Variants in UNC13D observed in about 807,000 individuals in gnomAD.
UNC13D encodes unc-13 homolog D.
A neutral mutation model predicts 151.7 loss-of-function variants in UNC13D; 115 were observed. That is an observed-to-expected ratio of 0.76 (90% CI 0.65 to 0.88). The LOEUF (loss-of-function observed/expected upper bound fraction) is 0.88. Ranked by LOEUF, UNC13D falls within the 40% of genes least tolerant of loss-of-function variation. UNC13D has a pLI of 0.00. For missense variants in UNC13D, 1,369 were observed against 1,438.7 expected (o/e 0.95, Z 0.78); for synonymous variants, 588 against 612.2 (o/e 0.96, Z 0.58).
chr17:75,830,204 C>T (rs576805665), intron 29 of UNC13D, 53 bp from the exon 30 acceptor site: 2 of 1,567,678 alleles, frequency 1.3e-6, no homozygotes, highest in East Asian at 4.8e-5. Context: ...AGGCACCCCA[C>T]CCCAGCAGCT....
intron 30 of UNC13D, chr17:75,829,814 G>C (rs1447218725): frequency 2.3e-5 from 14 of 618,676 alleles, no homozygotes; most frequent in Non-Finnish European, 3.8e-5. Flanking sequence ...CTGACCTCAA[G>C]TGATCCGCCT....
In UNC13D at chr17:75,842,628, G is replaced by A; in HGVS notation, c.389-15C>T. ...GTCGCTGAACCCTGTGGAGGAGTGG[G>A]GAAGACGAGGCAGCCAGGGAGTCGG... On this transcript the variant is annotated splice_polypyrimidine_tract_variant and intron_variant, in intron 5 of 31. Transcript: ENST00000207549. The A allele has an allele frequency of 6.2e-7, 1 of 1,610,726 alleles. No individual in the cohort carries two copies. The highest frequency in any genetic ancestry group is 8.5e-7 in the Non-Finnish European group (1 of 1,179,826).
rs748775460 is a variant in UNC13D, at chr17:75,834,287, G to A, written c.2298+38C>T. 3.8e-5 allele frequency: 61 copies of A among 1,588,006 alleles called. No individual in the cohort carries two copies. In the South Asian group the frequency reaches 5.6e-4, roughly 15 times the overall value. On this transcript the variant is annotated intron_variant, in intron 23 of 31. Coordinates refer to ENST00000207549, the MANE Select transcript of UNC13D (RefSeq NM_199242.3). ...TGCTGGAGCCAGGTAGGCTGAAGAC[G>A]GGATGGGATGGGGTGACTGTGCGGT...
rs138761498 is a variant in UNC13D, at chr17:75,832,845, G to A, written c.2447+121C>T. 2.2e-5 allele frequency: 21 copies of A among 947,492 alleles called. No individual in the cohort carries two copies. Among genetic ancestry groups the A allele is most frequent in the Middle Eastern group, 4.3e-4 (2 of 4,652 alleles). The allele number at this position is 947,492 out of a possible 1,614,324, so 58.7% of individuals were successfully genotyped here. A position where few individuals can be genotyped will look rare whatever the true frequency, so the allele number is the denominator to read the frequency against. On this transcript the variant is annotated intron_variant, in intron 25 of 31. Transcript: ENST00000207549. This position sits in a 1 kb window ranked among gnomAD's most constrained non-coding sequence, Gnocchi z 4.3. ...CCGTGGGAGGAGAGGGGGAGGTGGCGAGCGCGCCCAGGGCAGGGGCTGCTA... is the reference window on the plus strand; with the variant it reads ...CCGTGGGAGGAGAGGGGGAGGTGGCAAGCGCGCCCAGGGCAGGGGCTGCTA...
At position 75,834,671 on chromosome 17, in the gene UNC13D, G is replaced by GC. The variant is rs2143876026; in HGVS notation, c.2037_2038insG (p.Arg680AlafsTer25). 14 of 1,613,734 alleles carry GC rather than the reference G, an allele frequency of 8.7e-6. No homozygotes were observed. The highest frequency in any genetic ancestry group is 1.1e-5 in the Non-Finnish European group (13 of 1,180,028). On this transcript the variant is annotated frameshift_variant, in exon 22 of 32. Coordinates refer to ENST00000207549, the MANE Select transcript of UNC13D (RefSeq NM_199242.3). LOFTEE classifies it high-confidence loss of function. ...TGGCCTGAAGAGAGCTCGCGGGCCC[G>GC]GGCCTTTATAAGGCTGCAGTACACC...
In UNC13D at chr17:75,839,916, C is replaced by A; in HGVS notation, c.978G>T (p.Ser326=). The change falls in exon 12 of 32, where the codon TCG becomes TCT. Residue 326 remains serine (S), a synonymous_variant. Coordinates refer to ENST00000207549, the MANE Select transcript of UNC13D (RefSeq NM_199242.3). ...GGACGGTGGCAGCCTGGGGACTCAGCGACCCGTCCCAGGAGGTGCTTCCCG... is the reference window on the plus strand; with the variant it reads ...GGACGGTGGCAGCCTGGGGACTCAGAGACCCGTCCCAGGAGGTGCTTCCCG... ...HEAGSTSWDG[S]LSPQAATVLF... 1 of 1,613,742 alleles carries A rather than the reference C, an allele frequency of 6.2e-7. No individual in the cohort carries two copies. The highest frequency in any genetic ancestry group is 8.5e-7 in the Non-Finnish European group (1 of 1,179,990).
Position 75,833,986 on chromosome 17 carries a change from G to A in UNC13D, c.2367+89C>T. On this transcript the variant is annotated intron_variant, in intron 24 of 31. Transcript: ENST00000207549. The surrounding 1 kb of genome is among the most constrained non-coding windows in gnomAD (Gnocchi z 4.0). ...AGAACATGCTTTGCCTGGTCTGGGG[G>A]ACTTATCTTTGACACCAAGGCCTTC... The A allele has an allele frequency of 6.6e-7, 1 of 1,516,044 alleles. No individual in the cohort carries two copies. The highest frequency in any genetic ancestry group is 1.1e-5 in the South Asian group (1 of 88,716). The allele number at this position is 1,516,044 out of a possible 1,614,324, so 93.9% of individuals were successfully genotyped here.
chr17:75,836,951 G>C (rs778237024), intron 12 of UNC13D, 33 bp from the exon 13 acceptor site: 1 of 1,606,886 alleles, frequency 6.2e-7, no homozygotes, highest in Non-Finnish European at 8.5e-7. Flanking sequence ...AGCTGGACAG[G>C]GAGGAGGAAA....
intron 19 of UNC13D, 42 bp from the exon 20 acceptor site, chr17:75,835,571 C>G (rs759979367): frequency 3.7e-6 from 6 of 1,608,028 alleles, no homozygotes. Context: ...GCTGGGGCCA[C>G]CATGGACCCT....
At chr17:75,842,348 C>G (rs573071738) in intron 6 of UNC13D, 85 bp downstream of exon 6, 3 of 1,531,674 alleles carry the variant, frequency 2.0e-6, no homozygotes, top group East Asian at 2.3e-5. Flanking sequence ...TGAGCCAGGA[C>G]GACCTACTCA....
rs544643767 is a variant in UNC13D at position 75,840,066 on chromosome 17, G to T, written c.903C>A (p.His301Gln). ...ACACAAGCTGCTGCAGGAGGTGGAGGTGCACGGTGTAGCTCGGCTGCGAGC... is the reference window on the plus strand; with the variant it reads ...ACACAAGCTGCTGCAGGAGGTGGAGTTGCACGGTGTAGCTCGGCTGCGAGC... ...ASRSQPSYTVHLHLLQQLVSH... is the reference protein window; with the variant it reads ...ASRSQPSYTVQLHLLQQLVSH... The change falls in exon 11 of 32, where the codon CAC (histidine) becomes CAA (glutamine). Residue 301 changes from histidine to glutamine, a missense_variant. His to Gln is a conservative substitution (Grantham distance 24). This residue lies in a region of UNC13D where 550 missense variants were observed against 609.0 expected (regional missense o/e 0.90). Coordinates refer to ENST00000207549, the MANE Select transcript of UNC13D (RefSeq NM_199242.3). This position sits in a 1 kb window ranked among gnomAD's most constrained non-coding sequence, Gnocchi z 4.6. The T allele has an allele frequency of 5.0e-6, 8 of 1,613,584 alleles. No individual in the cohort carries two copies. The African/African-American group carries it at 9.3e-5, about 19-fold the overall frequency.
chr17:75,830,455 C>A lies in UNC13D; in HGVS notation c.2737G>T (p.Ala913Ser), dbSNP rs1360775580. Residue 913 changes from alanine (A) to serine (S), a missense_variant, in exon 29 of 32, where the codon GCT becomes TCT. Transcript: ENST00000207549. ...CGGTAGGAGGCCTTGACTGTCACAG[C>A]CCCCAGCTCCTCAGAGGTGGTTTCT... ...QAETTSEELG[A>S]VTVKASYRAS... is the part of the protein sequence containing the mutation. 2 of 1,588,364 alleles carry A rather than the reference C, an allele frequency of 1.3e-6. No homozygotes were observed. The highest frequency in any genetic ancestry group is 1.7e-6 in the Non-Finnish European group (2 of 1,168,208).
Position 75,833,148 on chromosome 17 carries a change from C to T in UNC13D, c.2368-103G>A. 1 of 1,182,830 alleles carries T rather than the reference C, an allele frequency of 8.5e-7. No homozygotes were observed. The highest frequency in any genetic ancestry group is 1.3e-5 in the South Asian group (1 of 75,026). 73.3% of individuals were successfully genotyped at this position (1,182,830 alleles called of 1,614,324 possible). On this transcript the variant is annotated intron_variant, in intron 24 of 31. Transcript: ENST00000207549. This position sits in a 1 kb window ranked among gnomAD's most constrained non-coding sequence, Gnocchi z 4.0. ...GGAGGAAACAGGGCTGGGAACCGTT[C>T]TGTGAGAGCAGTTTGTAGTGTCTGT...
Position 75,836,044 on chromosome 17 carries a change from C to T in UNC13D, c.1512G>A (p.Gln504=), listed in dbSNP as rs1280001950. The T allele has an allele frequency of 1.2e-6, 2 of 1,614,000 alleles. No individual in the cohort carries two copies. Among genetic ancestry groups the T allele is most frequent in the South Asian group, 1.1e-5 (1 of 91,088 alleles). Residue 504 remains glutamine (Q), a synonymous_variant, in exon 17 of 32, where the codon CAG becomes CAA. Coordinates refer to ENST00000207549, the MANE Select transcript of UNC13D (RefSeq NM_199242.3). ...AGATCTTGTCCCATGTGCGCTGGCACTGGTGCAGGTCGCCAATGACATCCT... is the reference window on the plus strand; with the variant it reads ...AGATCTTGTCCCATGTGCGCTGGCATTGGTGCAGGTCGCCAATGACATCCT... ...LVQDVIGDLH[Q]CQRTWDKIFH...
chr17:75,843,993 T>A (rs1599416298), intron 1 of UNC13D: 5 of 1,415,260 alleles, frequency 3.5e-6, no homozygotes, highest in Non-Finnish European at 4.6e-6. Context: ...GAGGGAGGGG[T>A]TCTGAGAGCC....
chr17:75,841,442 CTTTTT>C (rs145752081), intron 6 of UNC13D, among the ~76,000 whole-genome samples: 1 of 110,402 alleles, frequency 9.1e-6, no homozygotes, highest in Non-Finnish European at 1.8e-5. Flanking sequence ...CGCGCCCAGC[CTTTTT>C]TTTTTTTTTT....
chr17:75,843,355 C>T, intron 2 of UNC13D, 89 bp from the exon 3 acceptor site: 2 of 1,576,278 alleles, frequency 1.3e-6, no homozygotes, highest in South Asian at 1.1e-5. Context: ...GCGGCTTGTG[C>T]AGCGGAGGGA....
Position 75,842,502 on chromosome 17 carries a change from T to A in UNC13D, c.500A>T (p.Glu167Val). ...QKAVVRHTIP[E>V]EETHRTQVIT... ...GACCTGCGTGCGGTGGGTCTCCTCC[T>A]CGGGGATGGTGTGCCTCACCACAGC... Residue 167 changes from glutamate to valine, a missense_variant, in exon 6 of 32, where the codon GAG becomes GTG. Around this residue, in one of 3 missense-constraint regions of UNC13D, gnomAD observed 550 missense variants for 609.0 expected, o/e 0.90. Transcript: ENST00000207549. The A allele has an allele frequency of 6.2e-7, 1 of 1,613,324 alleles. No individual in the cohort carries two copies. The highest frequency in any genetic ancestry group is 8.5e-7 in the Non-Finnish European group (1 of 1,179,934).
Position 75,840,557 on chromosome 17 carries a change from T to C in UNC13D, c.703A>G (p.Lys235Glu). 1 of 1,614,028 alleles carries C rather than the reference T, an allele frequency of 6.2e-7. No individual in the cohort carries two copies. Among genetic ancestry groups the C allele is most frequent in the Non-Finnish European group, 8.5e-7 (1 of 1,180,022 alleles). Residue 235 changes from lysine to glutamate, a missense_variant, in exon 9 of 32, where the codon AAG (lysine) becomes GAG (glutamate). Physicochemically the swap from Lys to Glu is moderately conservative, Grantham distance 56. This residue lies in a region of UNC13D where 550 missense variants were observed against 609.0 expected (regional missense o/e 0.90). Coordinates refer to ENST00000207549, the MANE Select transcript of UNC13D (RefSeq NM_199242.3). The surrounding 1 kb of genome is among the most constrained non-coding windows in gnomAD (Gnocchi z 4.6). ...GLRRIFKEAR[K>E]DKGQDDFLGN... is the part of the protein sequence containing the mutation. ...AGAAAGTCGTCCTGGCCTTTGTCCT[T>C]CCGGGCCTCTTTAAAGATCCTGCGT...
Sources: allele counts gnomAD v4.1 joint callset (sites outside exome capture counted in the v4.1 genomes callset), GRCh38; gene constraint gnomAD v4.1.1; regional missense constraint gnomAD v4.1.1; non-coding constraint Gnocchi (gnomAD v3.1); transcripts MANE v1.5; gene names NCBI Gene and HGNC (gene_info 2026-07-23, HGNC 2026-07-21).